GRP: variants seen among roughly 807,000 people sequenced by gnomAD.
GRP encodes gastrin releasing peptide.
A neutral mutation model predicts 12.7 loss-of-function variants in GRP; 11 were observed. The observed-to-expected ratio is 0.87, with a 90% confidence interval of 0.55 to 1.44. The LOEUF (loss-of-function observed/expected upper bound fraction) is 1.44. Among genes scored for constraint, GRP ranks in the 40% most tolerant of loss-of-function variants. GRP has a pLI of 0.00. For missense variants in GRP, 212 were observed against 185.4 expected, an observed-to-expected ratio of 1.14 and a Z score of -0.83; for synonymous variants, 84 against 77.7, an observed-to-expected ratio of 1.08 and a Z score of -0.43.
intron 2 of GRP, among the ~76,000 whole-genome samples, chr18:59,229,817 C>G (rs538054199): frequency 6.6e-6 from 1 of 152,358 alleles, no homozygotes; most frequent in South Asian, 2.1e-4. Flanking sequence ...AAGCAAACCA[C>G]AATAAATTTA....
chr18:59,219,722 G>C (rs554572065), upstream of GRP, among the ~76,000 whole-genome samples: 37 of 152,252 alleles, frequency 2.4e-4, 1 homozygote, highest in Admixed American at 3.9e-4. Context: ...CCTTCAAATG[G>C]TGGTTCCAAA....
In GRP at chr18:59,225,755, AG is replaced by A; in HGVS notation, c.382+22del. On this transcript the variant is annotated intron_variant, in intron 2 of 2. Coordinates refer to ENST00000256857, the MANE Select transcript of GRP (RefSeq NM_002091.5). The stretch of plus-strand genomic sequence containing the variant: ...CAAAGGTAAAAGAAACATACATGCA[AG>A]ATGGGGTGGGAGGTATCTGGGGAGA... The A allele has an allele frequency of 9.9e-6, 16 of 1,611,334 alleles. No individual in the cohort carries two copies. The South Asian group carries it at 1.8e-4, about 18-fold the overall frequency.
rs1279991676 is a variant in GRP at position 59,220,209 on chromosome 18, C to T, written c.-57C>T. The stretch of plus-strand genomic sequence containing the variant: ...CGGAGCTCCTCCGAGGTCCGGGTCA[C>T]CAGTCTCTGCTCTTCCCAGCCTCTC... On this transcript the variant is annotated 5_prime_UTR_variant, in exon 1 of 3. Coordinates refer to ENST00000256857, the MANE Select transcript of GRP (RefSeq NM_002091.5). 3 of 1,349,640 alleles carry T rather than the reference C, an allele frequency of 2.2e-6. No homozygotes were observed. Among genetic ancestry groups the T allele is most frequent in the Admixed American group, 3.4e-5 (1 of 29,712 alleles). The allele number at this position is 1,349,640 out of a possible 1,614,324, so 83.6% of individuals were successfully genotyped here.
chr18:59,225,838 T>G, intron 2 of GRP, 104 bp downstream of exon 2: 1 of 1,025,232 alleles, frequency 9.8e-7, no homozygotes, highest in Non-Finnish European at 1.4e-6. Flanking sequence ...GATATAAACC[T>G]TCACAGTCAC....
At chr18:59,225,404 A>G in intron 1 of GRP, 88 bp from the exon 2 acceptor site, 1 of 1,278,002 alleles carries the variant, frequency 7.8e-7, no homozygotes, top group East Asian at 2.3e-5. Flanking sequence ...CACAAACACA[A>G]TTAGCTTTAA....
chr18:59,226,408 T>C (rs987053237), intron 2 of GRP, among the ~76,000 whole-genome samples: 10 of 152,220 alleles, frequency 6.6e-5, no homozygotes, highest in Non-Finnish European at 1.5e-4. Flanking sequence ...ACTTTTAAGT[T>C]TCCATGAAAT....
chr18:59,225,700 C>T lies in GRP; in HGVS notation c.348C>T (p.Ser116=). The change falls in exon 2 of 3, where the codon AGC becomes AGT. Residue 116 remains serine, a synonymous_variant. Coordinates refer to ENST00000256857, the MANE Select transcript of GRP (RefSeq NM_002091.5). ...NQQPSWDSED[S]SNFKDVGSKG... ...AGCCTTCGTGGGATTCAGAGGATAG[C>T]AGCAACTTCAAAGATGTAGGTTCAA... 3.7e-6 allele frequency: 6 copies of T among 1,613,980 alleles called. No homozygotes were observed. Among genetic ancestry groups the T allele is most frequent in the African/African-American group, 1.3e-5 (1 of 74,990 alleles).
At chr18:59,223,879 C>T (rs966888384) in intron 1 of GRP, among the ~76,000 whole-genome samples, 2 of 152,210 alleles carry the variant, frequency 1.3e-5, no homozygotes, top group African/African-American at 4.8e-5. Flanking sequence ...CAGGTCTTCA[C>T]TTGGGACAGT....
At chr18:59,228,426 A>G (rs1469542855) in intron 2 of GRP, among the ~76,000 whole-genome samples, 1 of 152,234 alleles carries the variant, frequency 6.6e-6, no homozygotes, top group Admixed American at 6.5e-5. Context: ...CTTAAAATTA[A>G]AAACTATCTA....
intron 1 of GRP, 58 bp from the exon 2 acceptor site, chr18:59,225,434 T>C (rs910835618): frequency 6.0e-5 from 91 of 1,518,514 alleles, no homozygotes; most frequent in Admixed American, 4.0e-5. Flanking sequence ...AAATTTCTCA[T>C]TCATTCCCTT....
intron 1 of GRP, among the ~76,000 whole-genome samples, chr18:59,221,179 C>T (rs1445854135): frequency 1.3e-5 from 2 of 152,270 alleles, no homozygotes; most frequent in East Asian, 3.8e-4. Context: ...CGACTTCGCC[C>T]TTTCCCCTCG....
intron 1 of GRP, among the ~76,000 whole-genome samples, chr18:59,223,308 G>A (rs551434910): frequency 1.3e-5 from 2 of 152,302 alleles, no homozygotes; most frequent in East Asian, 1.9e-4. Context: ...TGGAGATGAC[G>A]ATTTGGTTGA....
intron 1 of GRP, among the ~76,000 whole-genome samples, chr18:59,223,903 A>G (rs533016721): frequency 6.6e-6 from 1 of 152,312 alleles, no homozygotes; most frequent in Admixed American, 6.5e-5. Context: ...CCCAGTTAGG[A>G]TCCTGAAATT....
At chr18:59,222,923 C>T (rs193225107) in intron 1 of GRP, among the ~76,000 whole-genome samples, 1 of 152,316 alleles carries the variant, frequency 6.6e-6, no homozygotes, top group African/African-American at 2.4e-5. Flanking sequence ...ATGCTCCTAA[C>T]TGTGGTTCTA....
chr18:59,219,884 A>G (rs970103854), upstream of GRP, among the ~76,000 whole-genome samples: 1 of 151,694 alleles, frequency 6.6e-6, no homozygotes, highest in Non-Finnish European at 1.5e-5. Context: ...GAGAGGGAGG[A>G]GTTCACTAAA....
chr18:59,230,313 A>G (rs1015960278), intron 2 of GRP, 91 bp from the exon 3 acceptor site: 9 of 798,832 alleles, frequency 1.1e-5, no homozygotes, highest in Non-Finnish European at 1.8e-5. Context: ...CAAGCTCCCA[A>G]GTGATGCTGA....
At position 59,225,409 on chromosome 18, in the gene GRP, CTTTAAATTTCT is replaced by C. The variant is rs2144104696; in HGVS notation, c.140-71_140-61del. The C allele has an allele frequency of 3.8e-6, 5 of 1,316,954 alleles. No individual in the cohort carries two copies. In the South Asian group the frequency reaches 7.0e-5, roughly 18 times the overall value. The allele number at this position is 1,316,954 out of a possible 1,614,324, so 81.6% of individuals were successfully genotyped here. A position where few individuals can be genotyped will look rare whatever the true frequency, so the allele number is the denominator to read the frequency against. On this transcript the variant is annotated intron_variant, in intron 1 of 2. Coordinates refer to ENST00000256857, the MANE Select transcript of GRP (RefSeq NM_002091.5). The stretch of plus-strand genomic sequence containing the variant: ...GAGGAAGCAGCACAAACACAATTAG[CTTTAAATTTCT>C]TTTAAATTTCTCATTCATTCCCTTT...
Position 59,225,753 on chromosome 18 carries a change from C to T in GRP, c.382+19C>T. On this transcript the variant is annotated intron_variant, in intron 2 of 2. Coordinates refer to ENST00000256857, the MANE Select transcript of GRP (RefSeq NM_002091.5). The stretch of plus-strand genomic sequence containing the variant: ...GGCAAAGGTAAAAGAAACATACATG[C>T]AAGATGGGGTGGGAGGTATCTGGGG... 1 of 1,610,974 alleles carries T rather than the reference C, an allele frequency of 6.2e-7. No individual in the cohort carries two copies. Among genetic ancestry groups the T allele is most frequent in the Non-Finnish European group, 8.5e-7 (1 of 1,178,104 alleles).
chr18:59,227,006 T>TTTC (rs2069938547), intron 2 of GRP, among the ~76,000 whole-genome samples: 1 of 126,482 alleles, frequency 7.9e-6, no homozygotes, highest in Non-Finnish European at 1.7e-5. Flanking sequence ...TCTTTCTTTC[T>TTTC]TTCTTTCTTT....
Sources: allele counts gnomAD v4.1 joint callset (sites outside exome capture counted in the v4.1 genomes callset), GRCh38; gene constraint gnomAD v4.1.1; transcripts MANE v1.5; gene names NCBI Gene and HGNC (gene_info 2026-07-23, HGNC 2026-07-21).